Variants in CDH4 observed in about 807,000 individuals in gnomAD.
The protein encoded by CDH4 is cadherin 4, also known as cadherin-4.
Under a neutral mutation model 86.0 loss-of-function variants are expected in CDH4, and 33 were observed. The observed-to-expected ratio is 0.38, with a 90% confidence interval of 0.29 to 0.51. The LOEUF (loss-of-function observed/expected upper bound fraction) is 0.51. CDH4 is among the 20% of genes least tolerant of loss of function. CDH4 has a pLI of 0.86. For synonymous variants in CDH4, 555 were observed against 549.4 expected (o/e 1.01, Z -0.14); for missense variants, 1,114 against 1,307.4 (o/e 0.85, Z 2.28).
At chr20:61,539,068 C>G (rs777227172) in intron 2 of CDH4, among the ~76,000 whole-genome samples, 1 of 152,160 alleles carries the variant, frequency 6.6e-6, no homozygotes, top group Non-Finnish European at 1.5e-5. Context: ...ACAGCAGATC[C>G]GCAGCGGGTC....
chr20:61,596,741 G>A (rs1393531095), intron 2 of CDH4, among the ~76,000 whole-genome samples: 1 of 152,088 alleles, frequency 6.6e-6, no homozygotes, highest in African/African-American at 2.4e-5. Flanking sequence ...TCATGGATGG[G>A]GCTGATCACT....
chr20:61,341,505 G>A (rs2084648804), intron 2 of CDH4, among the ~76,000 whole-genome samples: 1 of 150,152 alleles, frequency 6.7e-6, no homozygotes, highest in Admixed American at 6.6e-5. Flanking sequence ...AGATTACTTG[G>A]TTTCATATAC....
intron 2 of CDH4, among the ~76,000 whole-genome samples, chr20:61,599,485 T>G (rs2145742399): frequency 6.6e-6 from 1 of 152,310 alleles, no homozygotes; most frequent in East Asian, 1.9e-4. Context: ...CCGACCCTCC[T>G]GACCCCCCTG....
chr20:61,303,671 C>T (rs982194414), intron 2 of CDH4, among the ~76,000 whole-genome samples: 1 of 152,230 alleles, frequency 6.6e-6, no homozygotes, highest in Non-Finnish European at 1.5e-5. Flanking sequence ...ACCTCCAGCG[C>T]CATTGCTTAA....
intron 2 of CDH4, among the ~76,000 whole-genome samples, chr20:61,556,811 A>G (rs1055302494): frequency 1.3e-5 from 2 of 152,034 alleles, no homozygotes; most frequent in Non-Finnish European, 2.9e-5. Context: ...CTGCTGTCAG[A>G]CAAGGAGGGT....
At chr20:61,331,875 G>A (rs973823175) in intron 2 of CDH4, among the ~76,000 whole-genome samples, 4 of 152,158 alleles carry the variant, frequency 2.6e-5, no homozygotes, top group African/African-American at 7.2e-5. Context: ...GGTGCTGAAC[G>A]GTGCCTGGCA....
intron 2 of CDH4, among the ~76,000 whole-genome samples, chr20:61,471,670 T>C (rs893303697): frequency 3.3e-5 from 5 of 152,074 alleles, no homozygotes; most frequent in Non-Finnish European, 5.9e-5. Flanking sequence ...CTCTTAGTAC[T>C]ACTTTTGCTG....
At chr20:61,477,877 C>A (rs1050572568) in intron 2 of CDH4, among the ~76,000 whole-genome samples, 1 of 152,204 alleles carries the variant, frequency 6.6e-6, no homozygotes, top group East Asian at 1.9e-4. Context: ...CAAGCAGAAC[C>A]TTCTCATTCT....
chr20:61,282,348 G>C (rs2084263363), intron 2 of CDH4, among the ~76,000 whole-genome samples: 1 of 152,154 alleles, frequency 6.6e-6, no homozygotes, highest in South Asian at 2.1e-4. Flanking sequence ...GACAGCGTCA[G>C]ACTCAGTCTC....
intron 3 of CDH4, among the ~76,000 whole-genome samples, chr20:61,772,475 A>G (rs1029317201): frequency 1.4e-5 from 2 of 147,236 alleles, no homozygotes. Context: ...TGAATTATCT[A>G]TTCATGTCCT....
At chr20:61,350,615 T>C (rs1346408150) in intron 2 of CDH4, among the ~76,000 whole-genome samples, 2 of 138,804 alleles carry the variant, frequency 1.4e-5, no homozygotes, top group Non-Finnish European at 1.6e-5. Context: ...GACCTTGCCT[T>C]TCCCACCCAG....
chr20:61,924,257 G>A lies in CDH4; in HGVS notation c.1629-77G>A, dbSNP rs926189803. On this transcript the variant is annotated intron_variant, in intron 10 of 15. Transcript: ENST00000614565. ...GCCCAGGCCCAGGCCCTGGAGGTGT[G>A]GCCAAGGAGGCCTGGGATCCAGGGC... 1.9e-5 allele frequency: 27 copies of A among 1,451,240 alleles called. No homozygotes were observed. The African/African-American group carries it at 3.5e-4, about 19-fold the overall frequency. The allele number at this position is 1,451,240 out of a possible 1,614,324, so 89.9% of individuals were successfully genotyped here.
intron 3 of CDH4, among the ~76,000 whole-genome samples, chr20:61,752,329 CAAAAAA>C (rs34828485): frequency 4.8e-5 from 4 of 83,144 alleles, no homozygotes; most frequent in South Asian, 4.0e-4. Flanking sequence ...AAAAGCCTGT[CAAAAAA>C]AAAAAAAAAA....
chr20:61,594,444 CAA>C (rs1336510001), intron 2 of CDH4, among the ~76,000 whole-genome samples: 1 of 152,148 alleles, frequency 6.6e-6, no homozygotes, highest in Non-Finnish European at 1.5e-5. Flanking sequence ...CTGTCACTGC[CAA>C]GAGAGGAGAA....
At chr20:61,452,401 A>C (rs1268612444) in intron 2 of CDH4, among the ~76,000 whole-genome samples, 2 of 152,214 alleles carry the variant, frequency 1.3e-5, no homozygotes, top group Non-Finnish European at 2.9e-5. Context: ...ATTTCTGAAA[A>C]GATTGCTAAT....
At chr20:61,735,797 C>A (rs2088255671) in intron 2 of CDH4, among the ~76,000 whole-genome samples, 1 of 152,188 alleles carries the variant, frequency 6.6e-6, no homozygotes, top group African/African-American at 2.4e-5. Context: ...TCTTGAATTT[C>A]TCTGTCCCCA....
At chr20:61,664,618 A>G (rs1487467194) in intron 2 of CDH4, among the ~76,000 whole-genome samples, 2 of 152,248 alleles carry the variant, frequency 1.3e-5, no homozygotes, top group Non-Finnish European at 2.9e-5. Flanking sequence ...AGACCCTCAC[A>G]CGAACACTTC....
chr20:61,914,796 T>C (rs1165747305), intron 9 of CDH4, among the ~76,000 whole-genome samples: 1 of 152,138 alleles, frequency 6.6e-6, no homozygotes, highest in African/African-American at 2.4e-5. Context: ...TGGGGTGCAT[T>C]TTACCTTTTC....
At chr20:61,777,194 A>T (rs976944746) in intron 4 of CDH4, among the ~76,000 whole-genome samples, 1 of 152,144 alleles carries the variant, frequency 6.6e-6, no homozygotes, top group African/African-American at 2.4e-5. Flanking sequence ...TCTTGGCTGT[A>T]CCCCTAGTGT....
Sources: allele counts gnomAD v4.1 joint callset (sites outside exome capture counted in the v4.1 genomes callset), GRCh38; gene constraint gnomAD v4.1.1; transcripts MANE v1.5; gene names NCBI Gene and HGNC (gene_info 2026-07-23, HGNC 2026-07-21).